Variants in PAN3 observed in about 807,000 individuals in gnomAD.
The protein encoded by PAN3 is PAN2-PAN3 deadenylation complex subunit PAN3.
In PAN3, 19 loss-of-function variants were observed where a neutral mutation model predicts 96.2. That is an observed-to-expected ratio of 0.20 (90% CI 0.14 to 0.29). The LOEUF (loss-of-function observed/expected upper bound fraction) is 0.29, where lower values mean the gene tolerates loss of function less well. Among genes scored for constraint, PAN3 ranks in the 10% least tolerant of loss-of-function variants. PAN3 has a pLI of 1.00. For synonymous variants in PAN3, 433 were observed against 406.6 expected (o/e 1.06, Z -0.78); for missense variants, 882 against 1,108.1 (o/e 0.80, Z 2.90).
At chr13:28,266,658 T>G in intron 9 of PAN3, 57 bp from the exon 10 acceptor site, 1 of 1,348,364 alleles carries the variant, frequency 7.4e-7, no homozygotes, top group Non-Finnish European at 1.0e-6. Flanking sequence ...TCTGTATTTT[T>G]GAGAAAGATT....
chr13:28,214,901 G>A (rs1345722758), intron 5 of PAN3: 21 of 1,023,188 alleles, frequency 2.1e-5, no homozygotes, highest in Non-Finnish European at 2.9e-5. Flanking sequence ...GTAGCTCCAA[G>A]AATGGGCAGG....
chr13:28,168,626 G>A (rs1367852173), intron 1 of PAN3, among the ~76,000 whole-genome samples: 1 of 152,142 alleles, frequency 6.6e-6, no homozygotes, highest in Non-Finnish European at 1.5e-5. Flanking sequence ...GGCTGAGGCA[G>A]GAGAATTGCT....
intron 6 of PAN3, among the ~76,000 whole-genome samples, chr13:28,235,684 C>T (rs555900980): frequency 4.0e-4 from 49 of 121,350 alleles, no homozygotes; most frequent in African/African-American, 1.6e-3. Flanking sequence ...CTCTAATATA[C>T]ACACACACAC....
chr13:28,270,441 T>A (rs917019452), intron 12 of PAN3, among the ~76,000 whole-genome samples: 1 of 152,232 alleles, frequency 6.6e-6, no homozygotes, highest in African/African-American at 2.4e-5. Context: ...GTAATTTTTA[T>A]TCAATAATTA....
At chr13:28,161,823 G>A (rs1168642472) in intron 1 of PAN3, among the ~76,000 whole-genome samples, 1 of 152,162 alleles carries the variant, frequency 6.6e-6, no homozygotes, top group African/African-American at 2.4e-5. Context: ...AACTTTCGAG[G>A]GAGTTCCAGC....
intron 7 of PAN3, among the ~76,000 whole-genome samples, chr13:28,257,647 ATACATATATATTTT>A (rs1885251583): frequency 7.1e-6 from 1 of 140,354 alleles, no homozygotes; most frequent in Admixed American, 7.5e-5. Flanking sequence ...ATATTGTAAA[ATACATATATATTTT>A]ATATATATGT....
intron 18 of PAN3, among the ~76,000 whole-genome samples, chr13:28,291,355 C>T (rs1280809529): frequency 3.3e-5 from 5 of 152,094 alleles, no homozygotes; most frequent in Admixed American, 2.6e-4. Context: ...TTTACAAAGA[C>T]CTCACTAAAA....
chr13:28,183,991 G>C (rs1876128619), intron 4 of PAN3, among the ~76,000 whole-genome samples: 1 of 152,138 alleles, frequency 6.6e-6, no homozygotes, highest in African/African-American at 2.4e-5. Context: ...GTATCAGGCT[G>C]TACTAAAATT....
At chr13:28,212,416 C>T (rs1880154789) in intron 5 of PAN3, among the ~76,000 whole-genome samples, 1 of 152,022 alleles carries the variant, frequency 6.6e-6, no homozygotes, top group Non-Finnish European at 1.5e-5. Flanking sequence ...TGAAAATATC[C>T]AGCACCCAGC....
In PAN3 at chr13:28,197,241, G is replaced by A. The variant is rs199583702; in HGVS notation, c.747G>A (p.Lys249=). 271 of 1,613,490 alleles carry A rather than the reference G, an allele frequency of 1.7e-4. 1 individual carries two copies. The highest frequency in any genetic ancestry group is 2.3e-4 in the Non-Finnish European group (266 of 1,179,758). The part of the protein sequence containing the change: ...LEERLVPMGS[K]ARKAKNPIGC... ...AGAGGCTAGTTCCGATGGGATCAAA[G>A]GCACGAAAAGCAAAGAACCCTATTG... is the stretch of plus-strand genomic sequence containing the variant. The change falls in exon 5 of 19, where the codon AAG becomes AAA. Residue 249 remains lysine (K), a synonymous_variant. Coordinates refer to ENST00000380958, the MANE Select transcript of PAN3 (RefSeq NM_175854.8).
At chr13:28,291,169 G>A (rs745995673) in intron 18 of PAN3, among the ~76,000 whole-genome samples, 1 of 152,104 alleles carries the variant, frequency 6.6e-6, no homozygotes. Context: ...TATTTTGGTA[G>A]AAATAATGAC....
At chr13:28,251,742 C>T (rs942074047) in intron 6 of PAN3, among the ~76,000 whole-genome samples, 2 of 152,184 alleles carry the variant, frequency 1.3e-5, no homozygotes, top group African/African-American at 2.4e-5. Flanking sequence ...CTCATGGCCA[C>T]ATTTCGTGTA....
At chr13:28,263,280 G>C (rs553088386) in intron 9 of PAN3, among the ~76,000 whole-genome samples, 28 of 152,278 alleles carry the variant, frequency 1.8e-4, no homozygotes, top group Non-Finnish European at 3.5e-4. Flanking sequence ...GATAAAGTTG[G>C]CAAATAAGTG....
At chr13:28,203,160 C>T (rs1017619272) in intron 5 of PAN3, among the ~76,000 whole-genome samples, 10 of 151,388 alleles carry the variant, frequency 6.6e-5, no homozygotes, top group African/African-American at 1.9e-4. Context: ...AGGGTTTCAC[C>T]GTGTTGCCCA....
chr13:28,184,446 A>G (rs1876202919), intron 4 of PAN3, among the ~76,000 whole-genome samples: 1 of 152,070 alleles, frequency 6.6e-6, no homozygotes, highest in Admixed American at 6.6e-5. Flanking sequence ...GACTGAGTTT[A>G]CTCTAGGGTG....
intron 1 of PAN3, among the ~76,000 whole-genome samples, chr13:28,156,992 CAAAAAAA>C (rs35448291): frequency 4.3e-3 from 80 of 18,440 alleles, no homozygotes; most frequent in African/African-American, 0.011. Flanking sequence ...GAGACCCTGT[CAAAAAAA>C]AAAAAAAAAA....
intron 1 of PAN3, among the ~76,000 whole-genome samples, chr13:28,146,368 T>A (rs1238955483): frequency 6.6e-6 from 1 of 151,600 alleles, no homozygotes; most frequent in Non-Finnish European, 1.5e-5. Context: ...ATAGGCTGGG[T>A]AGTTAACTTC....
At chr13:28,286,249 CCACA>C (rs987115320) in intron 17 of PAN3, among the ~76,000 whole-genome samples, 44 of 152,294 alleles carry the variant, frequency 2.9e-4, no homozygotes, top group African/African-American at 1.0e-3. Flanking sequence ...GGTTTGGGAA[CCACA>C]CAGAGGGAAA....
At chr13:28,178,035 G>A (rs1566161820) in intron 4 of PAN3, 100 bp downstream of exon 4, 1 of 994,420 alleles carries the variant, frequency 1.0e-6, no homozygotes, top group Non-Finnish European at 1.5e-6. Flanking sequence ...TGGAGGGAGA[G>A]CTTTTTATGG....
Sources: gnomAD v4.1 joint callset for allele counts (sites outside exome capture counted in the v4.1 genomes callset) on GRCh38, gnomAD v4.1.1 for gene constraint, MANE v1.5 for transcripts, NCBI Gene and HGNC (gene_info 2026-07-23, HGNC 2026-07-21) for gene names.